LRRC7: variants seen among roughly 807,000 people sequenced by gnomAD.
LRRC7 encodes leucine-rich repeat-containing protein 7.
In LRRC7, 23 loss-of-function variants were observed where a neutral mutation model predicts 175.7. The observed-to-expected ratio is 0.13, with a 90% CI of 0.09 to 0.19. The LOEUF is 0.19. Among genes scored for constraint, LRRC7 ranks in the 10% least tolerant of loss-of-function variants. LRRC7 has a pLI of 1.00. For synonymous variants in LRRC7, 685 were observed against 680.9 expected (o/e 1.01, Z -0.09); for missense variants, 1,354 against 1,904.7 (o/e 0.71, Z 5.38).
At chr1:69,810,886 C>A (rs2101139914) in intron 4 of LRRC7, among the ~76,000 whole-genome samples, 1 of 152,232 alleles carries the variant, frequency 6.6e-6, no homozygotes, top group South Asian at 2.1e-4. Context: ...GACTAAAACA[C>A]CAAAAGCAGT....
At chr1:69,879,740 C>A (rs1386885264) in intron 7 of LRRC7, 1 of 152,196 alleles carries the variant, frequency 6.6e-6, no homozygotes, top group Admixed American at 6.5e-5. Context: ...CTTCCTGGAG[C>A]GGGGACCACT....
intron 23 of LRRC7, 72 bp downstream of exon 23, chr1:70,053,217 T>C: frequency 7.6e-7 from 1 of 1,314,586 alleles, no homozygotes; most frequent in Non-Finnish European, 1.0e-6. Flanking sequence ...ATAAATATTT[T>C]GTGTCTTATC....
At chr1:69,692,799 T>C (rs1420651005) in intron 2 of LRRC7, among the ~76,000 whole-genome samples, 1 of 152,204 alleles carries the variant, frequency 6.6e-6, no homozygotes, top group Non-Finnish European at 1.5e-5. Context: ...CAGATCTGGC[T>C]AAACATTATT....
intron 2 of LRRC7, among the ~76,000 whole-genome samples, chr1:69,686,566 T>C (rs1340761): frequency 0.027 from 4,080 of 152,216 alleles, 74 homozygotes; most frequent in Non-Finnish European, 0.044. Context: ...TTGTAATACC[T>C]AGAGCAACCA....
rs749765358 is a variant in LRRC7, at chr1:70,039,544, G to A, written c.3720G>A (p.Ala1240=). The A allele has an allele frequency of 2.0e-5, 32 of 1,613,992 alleles. No homozygotes were observed. Among genetic ancestry groups the A allele is most frequent in the Non-Finnish European group, 2.5e-5 (29 of 1,180,014 alleles). ...TTACCCAAAGGAGGCCATTGTCTGC[G>A]AGAAGCTACAGTACAGAGAGTTACG... ...KNLTQRRPLS[A]RSYSTESYGA... The change falls in exon 21 of 27, where the codon GCG becomes GCA. Residue 1240 remains alanine, a synonymous_variant. Coordinates refer to ENST00000651989, the MANE Select transcript of LRRC7 (RefSeq NM_001370785.2).
chr1:69,725,673 G>T (rs571492948), intron 2 of LRRC7, among the ~76,000 whole-genome samples: 1 of 152,206 alleles, frequency 6.6e-6, no homozygotes, highest in Admixed American at 6.5e-5. Context: ...GGGTGAGCCA[G>T]AAATAGTCAA....
chr1:69,976,282 G>T (rs977334192), intron 8 of LRRC7, among the ~76,000 whole-genome samples: 17 of 152,180 alleles, frequency 1.1e-4, no homozygotes, highest in African/African-American at 3.9e-4. Context: ...CAAAGCTGAA[G>T]AACTTGGAGT....
chr1:69,594,352 C>G (rs969633161), intron 1 of LRRC7, among the ~76,000 whole-genome samples: 2 of 152,068 alleles, frequency 1.3e-5, no homozygotes, highest in African/African-American at 4.8e-5. Flanking sequence ...AATTTATTAT[C>G]CAAAAGGATT....
intron 7 of LRRC7, among the ~76,000 whole-genome samples, chr1:69,909,170 C>T (rs1485767706): frequency 5.3e-5 from 8 of 151,988 alleles, no homozygotes; most frequent in East Asian, 1.9e-4. Flanking sequence ...TGTCTCTGCA[C>T]GTGAGATGGG....
intron 4 of LRRC7, among the ~76,000 whole-genome samples, chr1:69,814,192 G>A (rs544341014): frequency 4.6e-5 from 7 of 151,956 alleles, no homozygotes; most frequent in Non-Finnish European, 8.8e-5. Context: ...AAAAGATATC[G>A]TGTTTTGAAA....
intron 11 of LRRC7, among the ~76,000 whole-genome samples, chr1:70,011,056 G>A (rs12032200): frequency 0.052 from 7,914 of 152,270 alleles, 205 homozygotes; most frequent in South Asian, 0.11. Flanking sequence ...GGATCATTAT[G>A]TAAAATTTTA....
intron 18 of LRRC7, among the ~76,000 whole-genome samples, chr1:70,029,538 A>T (rs1469035355): frequency 6.6e-6 from 1 of 152,180 alleles, no homozygotes; most frequent in Admixed American, 6.6e-5. Flanking sequence ...TTGCTTATAA[A>T]ATCAGTATCA....
intron 1 of LRRC7, among the ~76,000 whole-genome samples, chr1:69,640,902 A>G (rs191132391): frequency 1.3e-5 from 2 of 151,776 alleles, no homozygotes; most frequent in East Asian, 3.9e-4. Context: ...TATTGGCAAT[A>G]TTTCATAAAC....
At chr1:70,010,234 G>C (rs1656376834) in intron 11 of LRRC7, among the ~76,000 whole-genome samples, 1 of 152,112 alleles carries the variant, frequency 6.6e-6, no homozygotes, top group South Asian at 2.1e-4. Flanking sequence ...AATAAATAAT[G>C]GAAGCAAATT....
chr1:70,095,030 G>T lies in LRRC7; in HGVS notation c.4545+5211G>T, dbSNP rs113242133. Among the ~76,000 whole-genome samples, 7 of 152,118 alleles carry T rather than the reference G, an allele frequency of 4.6e-5. No homozygotes were observed. The East Asian group carries it at 1.2e-3, about 25-fold the overall frequency. Reference sequence around the variant, plus strand: ...ACTTTTAGCACATTTCCTTAACTTTGTGCAGCTACTAGACAAATACAATTT... The same window carrying T: ...ACTTTTAGCACATTTCCTTAACTTTTTGCAGCTACTAGACAAATACAATTT... On this transcript the variant is annotated intron_variant, in intron 25 of 26. Transcript: ENST00000651989.
chr1:69,664,987 G>A (rs918295025), intron 1 of LRRC7, among the ~76,000 whole-genome samples: 1 of 152,126 alleles, frequency 6.6e-6, no homozygotes, highest in Non-Finnish European at 1.5e-5. Context: ...TGTATATGGT[G>A]AGAGATAGGT....
chr1:69,618,179 T>C (rs1649988215), intron 1 of LRRC7, among the ~76,000 whole-genome samples: 1 of 152,104 alleles, frequency 6.6e-6, no homozygotes, highest in Admixed American at 6.6e-5. Flanking sequence ...GAATTTCTTC[T>C]TTTTCCATTA....
chr1:69,922,555 A>G (rs1424499254), intron 7 of LRRC7, among the ~76,000 whole-genome samples: 2 of 152,188 alleles, frequency 1.3e-5, no homozygotes, highest in Admixed American at 1.3e-4. Context: ...TAAACTTGGG[A>G]GAAAATAGAA....
In LRRC7 at chr1:70,124,185, G is replaced by A. The variant is rs1666340541; in HGVS notation, c.*2298G>A. Among the ~76,000 whole-genome samples, 1 of 152,190 alleles carries A rather than the reference G, an allele frequency of 6.6e-6. No homozygotes were observed. The highest frequency in any genetic ancestry group is 2.1e-4 in the South Asian group (1 of 4,826). ...ATCTGATATGCCAAAGCACCTCACT[G>A]TCAATAGTACTGCCATGTTGCATAC... On this transcript the variant is annotated 3_prime_UTR_variant, in exon 27 of 27. Transcript: ENST00000651989.
Sources: allele counts gnomAD v4.1 joint callset (sites outside exome capture counted in the v4.1 genomes callset), GRCh38; gene constraint gnomAD v4.1.1; transcripts MANE v1.5; gene names NCBI Gene and HGNC (gene_info 2026-07-23, HGNC 2026-07-21).